Variants in ATXN10 observed in about 807,000 individuals in gnomAD.
ATXN10 encodes the protein ataxin-10.
A neutral mutation model predicts 52.9 loss-of-function variants in ATXN10; 28 were observed. That is an observed-to-expected ratio of 0.53 (90% CI 0.39 to 0.73). The LOEUF (loss-of-function observed/expected upper bound fraction) is 0.73. ATXN10 is among the 30% of genes least tolerant of loss of function. ATXN10 has a pLI of 0.00. For synonymous variants in ATXN10, 226 were observed against 221.5 expected, an observed-to-expected ratio of 1.02 and a Z score of -0.18; for missense variants, 565 against 577.0, an observed-to-expected ratio of 0.98 and a Z score of 0.21.
rs996672328 is a variant in ATXN10, at chr22:45,789,716, C to T, written c.1174-17243C>T. ...CTGATGTGTTGGGCTTTAGCTTTGG[C>T]CGTTAGGGATGTAGGAGTGTGTCCT... On this transcript the variant is annotated intron_variant, in intron 9 of 11. Coordinates refer to ENST00000252934, the MANE Select transcript of ATXN10 (RefSeq NM_013236.4). The surrounding 1 kb of genome is among the most constrained non-coding windows in gnomAD (Gnocchi z 4.0). 6.6e-6 allele frequency among the ~76,000 whole-genome samples: 1 copy of T among 152,108 alleles called. No homozygotes were observed. Among genetic ancestry groups the T allele is most frequent in the Admixed American group, 6.5e-5 (1 of 15,278 alleles).
chr22:45,726,242 C>G (rs911767759), intron 6 of ATXN10, among the ~76,000 whole-genome samples: 1 of 152,246 alleles, frequency 6.6e-6, no homozygotes, highest in South Asian at 2.1e-4. Flanking sequence ...TGATTGGTGC[C>G]AATTCTTTGA....
At chr22:45,687,437 C>G (rs1178201484) in intron 1 of ATXN10, among the ~76,000 whole-genome samples, 1 of 152,162 alleles carries the variant, frequency 6.6e-6, no homozygotes, top group African/African-American at 2.4e-5. Flanking sequence ...ATATAAGAGG[C>G]AGACGGCAAA....
At position 45,702,727 on chromosome 22, in the gene ATXN10, A is replaced by T; in HGVS notation, c.527A>T (p.Tyr176Phe). 6.2e-7 allele frequency: 1 copy of T among 1,613,956 alleles called. No individual in the cohort carries two copies. The change falls in exon 5 of 12, where the codon TAC (tyrosine) becomes TTC (phenylalanine). Residue 176 changes from tyrosine to phenylalanine, a missense_variant. Transcript: ENST00000252934. ...LNHPDKKIVAYSSMILFTSLN... is the reference protein window; with the variant it reads ...LNHPDKKIVAFSSMILFTSLN... ...CATCCGGACAAAAAAATTGTTGCCTACTCTTCAATGATTTTGTTTACATCC... is the reference window on the plus strand; with the variant it reads ...CATCCGGACAAAAAAATTGTTGCCTTCTCTTCAATGATTTTGTTTACATCC...
intron 10 of ATXN10, among the ~76,000 whole-genome samples, chr22:45,813,450 CA>C (rs1928354636): frequency 1.6e-5 from 1 of 62,426 alleles, no homozygotes; most frequent in Non-Finnish European, 2.8e-5. Flanking sequence ...TTCCTTTCTT[CA>C]TTTCTTTTTT....
chr22:45,713,981 A>T (rs1924350439), intron 5 of ATXN10, among the ~76,000 whole-genome samples: 1 of 152,204 alleles, frequency 6.6e-6, no homozygotes, highest in Non-Finnish European at 1.5e-5. Flanking sequence ...TCGCATGTGG[A>T]CAAGTAATGA....
At chr22:45,785,823 T>C (rs940453710) in intron 9 of ATXN10, among the ~76,000 whole-genome samples, 1 of 152,224 alleles carries the variant, frequency 6.6e-6, no homozygotes, top group Non-Finnish European at 1.5e-5. Flanking sequence ...AGGGGTATAC[T>C]TGGCAGCCTC....
intron 9 of ATXN10, among the ~76,000 whole-genome samples, chr22:45,743,973 C>A (rs1366756048): frequency 1.3e-5 from 2 of 152,072 alleles, no homozygotes; most frequent in African/African-American, 2.4e-5. Flanking sequence ...TGCAGGACTT[C>A]AGGCTGGAGG....
intron 3 of ATXN10, 125 bp from the exon 4 acceptor site, chr22:45,700,157 T>A: frequency 1.3e-6 from 1 of 751,064 alleles, no homozygotes; most frequent in Non-Finnish European, 2.1e-6. Context: ...GGAGACAGAC[T>A]TTAATTTTTA....
rs571690416 is a variant in ATXN10 at position 45,738,549 on chromosome 22, T to G, written c.895-182T>G. The G allele has an allele frequency of 6.5e-5, 37 of 566,264 alleles. No individual in the cohort carries two copies. In the South Asian group the frequency reaches 8.4e-4, roughly 13 times the overall value. The allele number at this position is 566,264 out of a possible 1,614,324, so 35.1% of individuals were successfully genotyped here. A position where few individuals can be genotyped will look rare whatever the true frequency, so the allele number is the denominator to read the frequency against. ...AGATGTCTGCTGTTAGTGAAAATGA[T>G]GAGTCGTGTACATATTTCATACTTC... is the stretch of plus-strand genomic sequence containing the variant. On this transcript the variant is annotated intron_variant, in intron 7 of 11. Transcript: ENST00000252934.
rs1922906529 is a variant in ATXN10 at position 45,681,176 on chromosome 22, C to G, written c.117-8536C>G. Reference sequence around the variant, plus strand: ...GCTCACTTTTCACTCTATTTCTTCTCCTGTCTTAAATCTTCGTTATTTCAT... The same window carrying G: ...GCTCACTTTTCACTCTATTTCTTCTGCTGTCTTAAATCTTCGTTATTTCAT... On this transcript the variant is annotated intron_variant, in intron 1 of 11. Transcript: ENST00000252934. The surrounding 1 kb of genome is among the most constrained non-coding windows in gnomAD (Gnocchi z 4.2). Among the ~76,000 whole-genome samples the G allele has an allele frequency of 6.6e-6, 1 of 152,282 alleles. No individual in the cohort carries two copies. Among genetic ancestry groups the G allele is most frequent in the East Asian group, 1.9e-4 (1 of 5,178 alleles).
At chr22:45,831,060 A>G (rs1928976327) in intron 10 of ATXN10, among the ~76,000 whole-genome samples, 1 of 152,214 alleles carries the variant, frequency 6.6e-6, no homozygotes. Flanking sequence ...GACACACACT[A>G]CAACATGGAT....
At chr22:45,793,472 A>G in intron 9 of ATXN10, 1 of 889,480 alleles carries the variant, frequency 1.1e-6, no homozygotes, top group Non-Finnish European at 1.5e-6. Context: ...GTCTTATTCC[A>G]TTTAATAAAT....
intron 6 of ATXN10, among the ~76,000 whole-genome samples, chr22:45,721,058 G>A (rs1288971081): frequency 6.6e-6 from 1 of 152,124 alleles, no homozygotes; most frequent in African/African-American, 2.4e-5. Flanking sequence ...TTTTTCTTGT[G>A]CTAGTTCTTT....
rs892078193 is a variant in ATXN10, at chr22:45,688,863, G to A, written c.117-849G>A. 2.0e-5 allele frequency among the ~76,000 whole-genome samples: 3 copies of A among 152,330 alleles called. No individual in the cohort carries two copies. The highest frequency in any genetic ancestry group is 3.9e-4 in the East Asian group (2 of 5,184). On this transcript the variant is annotated intron_variant, in intron 1 of 11. Transcript: ENST00000252934. This position sits in a 1 kb window ranked among gnomAD's most constrained non-coding sequence, Gnocchi z 4.0. ...TTAAAAGAGATTTGCTGTTTCTTTA[G>A]GGGATTTATGGAATGAGGAAGTTGG...
Position 45,833,011 on chromosome 22 carries a change from G to A in ATXN10, c.1238-9980G>A, listed in dbSNP as rs182173785. ...CTGAAGGTTGTCCTGACTTTAAATG[G>A]ATATAGTAGTGCTCTTCCCCTGATG... On this transcript the variant is annotated intron_variant, in intron 10 of 11. Coordinates refer to ENST00000252934, the MANE Select transcript of ATXN10 (RefSeq NM_013236.4). This position sits in a 1 kb window ranked among gnomAD's most constrained non-coding sequence, Gnocchi z 4.3. Among the ~76,000 whole-genome samples the A allele has an allele frequency of 2.7e-4, 41 of 152,280 alleles. No individual in the cohort carries two copies. The highest frequency in any genetic ancestry group is 8.9e-4 in the African/African-American group (37 of 41,556).
chr22:45,788,982 C>T (rs867034689), intron 9 of ATXN10, among the ~76,000 whole-genome samples: 5 of 152,078 alleles, frequency 3.3e-5, no homozygotes, highest in South Asian at 2.1e-4. Flanking sequence ...GTGCCAGGAC[C>T]GTCACCCCCA....
chr22:45,843,026 C>G lies in ATXN10; in HGVS notation c.1273C>G (p.Leu425Val), dbSNP rs1241311737. 6.2e-7 allele frequency: 1 copy of G among 1,614,046 alleles called. No homozygotes were observed. The highest frequency in any genetic ancestry group is 1.3e-5 in the African/African-American group (1 of 74,914). Reference protein sequence around the residue: ...TQWVIYAIRNLTEDNSQNQDL... With the variant: ...TQWVIYAIRNVTEDNSQNQDL... ...GTGGGTGATATATGCCATCCGAAACCTTACCGAAGACAACAGCCAAAACCA... is the reference window on the plus strand; with the variant it reads ...GTGGGTGATATATGCCATCCGAAACGTTACCGAAGACAACAGCCAAAACCA... Residue 425 changes from leucine to valine, a missense_variant, in exon 11 of 12, where the codon CTT (leucine) becomes GTT (valine). Transcript: ENST00000252934. The surrounding 1 kb of genome is among the most constrained non-coding windows in gnomAD (Gnocchi z 4.5).
At chr22:45,830,999 G>A (rs1928974358) in intron 10 of ATXN10, among the ~76,000 whole-genome samples, 1 of 152,122 alleles carries the variant, frequency 6.6e-6, no homozygotes, top group Admixed American at 6.5e-5. Flanking sequence ...AACAAAATGT[G>A]GCCTCTACAT....
intron 10 of ATXN10, among the ~76,000 whole-genome samples, chr22:45,817,318 C>CTTTT (rs11326332): frequency 2.0e-5 from 2 of 98,708 alleles, no homozygotes; most frequent in Admixed American, 1.1e-4. Flanking sequence ...ATTGATTTAA[C>CTTTT]TTTTTTTTTT....
Sources: allele counts gnomAD v4.1 joint callset (sites outside exome capture counted in the v4.1 genomes callset), GRCh38; gene constraint gnomAD v4.1.1; non-coding constraint Gnocchi (gnomAD v3.1); transcripts MANE v1.5; gene names NCBI Gene and HGNC (gene_info 2026-07-23, HGNC 2026-07-21).